RGL1: variants seen among roughly 807,000 people sequenced by gnomAD.
RGL1 encodes the protein ral guanine nucleotide dissociation stimulator like 1.
In RGL1, 24 loss-of-function variants were observed where a neutral mutation model predicts 95.2. The ratio of observed to expected loss-of-function variants is 0.25; its 90% CI spans 0.18 to 0.35. RGL1 has a LOEUF of 0.35. Among genes scored for constraint, RGL1 ranks in the 10% least tolerant of loss-of-function variants. RGL1 has a pLI of 1.00. For synonymous variants in RGL1, 329 were observed against 344.9 expected (o/e 0.95, Z 0.51); for missense variants, 715 against 936.3 (o/e 0.76, Z 3.08).
At chr1:183,850,834 C>A (rs529908401) in intron 3 of RGL1, among the ~76,000 whole-genome samples, 10 of 152,054 alleles carry the variant, frequency 6.6e-5, no homozygotes, top group African/African-American at 2.4e-4. Context: ...CTGTTCAAAA[C>A]GTTAAAAAAC....
chr1:183,650,501 C>T (rs1650659659), intron 1 of RGL1, among the ~76,000 whole-genome samples: 1 of 152,146 alleles, frequency 6.6e-6, no homozygotes, highest in Admixed American at 6.5e-5. Flanking sequence ...CAACATCCCA[C>T]CACTGCACTC....
At chr1:183,919,937 C>G (rs377658194) in intron 16 of RGL1, among the ~76,000 whole-genome samples, 98 of 152,160 alleles carry the variant, frequency 6.4e-4, no homozygotes, top group African/African-American at 2.0e-3. Context: ...ATTTTGAACA[C>G]TTAGTACAAA....
chr1:183,709,805 G>A (rs1018127579), intron 1 of RGL1: 6 of 198,714 alleles, frequency 3.0e-5, no homozygotes, highest in African/African-American at 7.0e-5. Context: ...ACTTTGCTGA[G>A]GGAGATGGAC....
rs199903924 is a variant in RGL1 at position 183,904,823 on chromosome 1, T to A, written c.1351-27T>A. The A allele has an allele frequency of 2.2e-3, 3,397 of 1,578,572 alleles. 11 individuals carry two copies. The highest frequency in any genetic ancestry group is 4.2e-3 in the Admixed American group (210 of 50,568). ...GCCTTATTATTCAGTCTTTTTTTTT[T>A]AATTTTTGGTATTCTGTCTGCTTTA... On this transcript the variant is annotated intron_variant, in intron 12 of 17. Coordinates refer to ENST00000360851, the MANE Select transcript of RGL1 (RefSeq NM_001297671.3).
At chr1:183,871,141 C>T (rs1212631302) in intron 4 of RGL1, among the ~76,000 whole-genome samples, 8 of 152,218 alleles carry the variant, frequency 5.3e-5, no homozygotes, top group Non-Finnish European at 1.2e-4. Flanking sequence ...ATGGTCCACA[C>T]AGCATAGTGG....
At chr1:183,849,482 A>AATT (rs150367802) in intron 3 of RGL1, among the ~76,000 whole-genome samples, 34,661 of 98,452 alleles carry the variant, frequency 0.35, 6,086 homozygotes, top group Non-Finnish European at 0.44. Context: ...TCCAGTTTTT[A>AATT]GTTTTTTTTT....
chr1:183,746,428 T>C (rs960856855), intron 2 of RGL1, among the ~76,000 whole-genome samples: 16 of 152,052 alleles, frequency 1.1e-4, no homozygotes, highest in African/African-American at 3.9e-4. Flanking sequence ...TTACTCAACA[T>C]TATGTTTATA....
intron 3 of RGL1, among the ~76,000 whole-genome samples, chr1:183,851,838 A>G (rs1664842505): frequency 6.6e-6 from 1 of 152,224 alleles, no homozygotes; most frequent in Non-Finnish European, 1.5e-5. Context: ...ATTCTGTGAA[A>G]CAGTGGGTTC....
intron 1 of RGL1, among the ~76,000 whole-genome samples, chr1:183,717,363 A>G (rs952491255): frequency 6.6e-6 from 1 of 152,212 alleles, no homozygotes; most frequent in African/African-American, 2.4e-5. Flanking sequence ...TATTCAAGAT[A>G]TTAAACATAC....
chr1:183,888,446 T>C, intron 7 of RGL1, 28 bp from the exon 8 acceptor site: 1 of 1,345,634 alleles, frequency 7.4e-7, no homozygotes, highest in Middle Eastern at 1.8e-4. Flanking sequence ...GTTAAATGCC[T>C]TTTATGTTTT....
At chr1:183,773,060 A>G (rs1044477977) in intron 2 of RGL1, among the ~76,000 whole-genome samples, 1 of 146,266 alleles carries the variant, frequency 6.8e-6, no homozygotes, top group Admixed American at 6.9e-5. Flanking sequence ...TTTCACTCTG[A>G]TATCTATAAT....
intron 1 of RGL1, among the ~76,000 whole-genome samples, chr1:183,686,893 C>T (rs746932279): frequency 1.7e-4 from 26 of 152,170 alleles, no homozygotes; most frequent in South Asian, 4.1e-4. Context: ...ATGTCCTCAC[C>T]GCTACCTTTT....
At chr1:183,845,921 T>A (rs1664391648) in intron 2 of RGL1, among the ~76,000 whole-genome samples, 1 of 152,088 alleles carries the variant, frequency 6.6e-6, no homozygotes. Context: ...TGTGCAAAAA[T>A]TTTTTTCCCA....
chr1:183,893,327 G>A (rs1667523851), intron 9 of RGL1, among the ~76,000 whole-genome samples: 1 of 152,178 alleles, frequency 6.6e-6, no homozygotes, highest in Non-Finnish European at 1.5e-5. Flanking sequence ...CTATAAATGG[G>A]AGCCAATCAA....
intron 10 of RGL1, among the ~76,000 whole-genome samples, chr1:183,898,267 C>T (rs1320363714): frequency 6.6e-6 from 1 of 152,194 alleles, no homozygotes; most frequent in Non-Finnish European, 1.5e-5. Context: ...CTACTGTAGT[C>T]AGCTTCTGAT....
intron 2 of RGL1, among the ~76,000 whole-genome samples, chr1:183,744,888 T>C (rs1657527715): frequency 6.6e-6 from 1 of 152,208 alleles, no homozygotes. Context: ...TTTTCTAGCA[T>C]AGACACCTGG....
intron 10 of RGL1, among the ~76,000 whole-genome samples, chr1:183,899,856 A>G (rs1667915425): frequency 6.6e-6 from 1 of 152,226 alleles, no homozygotes. Flanking sequence ...GAGAACAGAC[A>G]TCCTTCTCAC....
intron 1 of RGL1, among the ~76,000 whole-genome samples, chr1:183,670,176 A>G (rs1357078063): frequency 1.3e-5 from 2 of 152,046 alleles, no homozygotes; most frequent in Non-Finnish European, 2.9e-5. Flanking sequence ...CACACTTTAC[A>G]TGGGAAGGAA....
chr1:183,769,206 A>T (rs1481075000), intron 2 of RGL1, among the ~76,000 whole-genome samples: 1 of 152,200 alleles, frequency 6.6e-6, no homozygotes, highest in Non-Finnish European at 1.5e-5. Flanking sequence ...CTACATGGGT[A>T]TTTTCACCAA....
Sources: allele counts gnomAD v4.1 joint callset (sites outside exome capture counted in the v4.1 genomes callset), GRCh38; gene constraint gnomAD v4.1.1; transcripts MANE v1.5; gene names NCBI Gene and HGNC (gene_info 2026-07-23, HGNC 2026-07-21).